Variants in ACTR8 observed in about 807,000 individuals in gnomAD.
ACTR8 encodes the protein actin related protein 8.
A neutral mutation model predicts 84.3 loss-of-function variants in ACTR8; 70 were observed. The observed-to-expected ratio is 0.83, with a 90% CI of 0.68 to 1.01. ACTR8 has a LOEUF of 1.01. Among genes scored for constraint, ACTR8 ranks in the 50% least tolerant of loss-of-function variants. The pLI, the probability that ACTR8 is intolerant of heterozygous loss-of-function variation, is 0.00. For missense variants in ACTR8, 672 were observed against 775.4 expected (o/e 0.87, Z 1.58); for synonymous variants, 268 against 275.2 (o/e 0.97, Z 0.26).
At position 53,871,266 on chromosome 3, in the gene ACTR8, C is replaced by A; in HGVS notation, c.1533G>T (p.Leu511=). ...ISLFEGKALG[L]DKAILHSIDC... ...CTATGCTATGGAGGATGGCTTTATC[C>A]AGGCCCAGGGCTTTTCCTTCAAACA... is the stretch of plus-strand genomic sequence containing the variant. Residue 511 remains leucine (L), a synonymous_variant, in exon 11 of 13, where the codon CTG becomes CTT. Coordinates refer to ENST00000335754, the MANE Select transcript of ACTR8 (RefSeq NM_022899.5). The A allele has an allele frequency of 1.2e-6, 2 of 1,614,218 alleles. No homozygotes were observed. Among genetic ancestry groups the A allele is most frequent in the African/African-American group, 1.3e-5 (1 of 75,076 alleles).
chr3:53,868,600 A>G lies in ACTR8; in HGVS notation c.*119T>C. The G allele has an allele frequency of 7.0e-7, 1 of 1,430,634 alleles. No homozygotes were observed. The highest frequency in any genetic ancestry group is 1.4e-5 in the South Asian group (1 of 69,120). 88.6% of individuals were successfully genotyped at this position (1,430,634 alleles called of 1,614,324 possible). A position where few individuals can be genotyped will look rare whatever the true frequency, so the allele number is the denominator to read the frequency against. ...TGTCCTCAACATAAAGTTCAAATTC[A>G]TTTACTGTCCATGACACTTAAGCAT... On this transcript the variant is annotated 3_prime_UTR_variant, in exon 13 of 13. Coordinates refer to ENST00000335754, the MANE Select transcript of ACTR8 (RefSeq NM_022899.5).
At chr3:53,865,798 T>G (rs928021301), downstream of ACTR8, 1 of 154,112 alleles carries the variant, frequency 6.5e-6, no homozygotes, top group African/African-American at 2.4e-5. Flanking sequence ...GAACCCACTT[T>G]TACTGGACCA....
intron 4 of ACTR8, 123 bp from the exon 5 acceptor site, chr3:53,877,510 G>C: frequency 7.6e-7 from 1 of 1,312,562 alleles, no homozygotes; most frequent in Non-Finnish European, 1.0e-6. Flanking sequence ...TGAAGTAGGA[G>C]TCGGTGTGAC....
chr3:53,866,250 G>A (rs935363412), downstream of ACTR8, among the ~76,000 whole-genome samples: 42 of 152,222 alleles, frequency 2.8e-4, no homozygotes, highest in African/African-American at 9.6e-4. Context: ...TGAGTGTGAT[G>A]GTGTAAGCCT....
Position 53,871,641 on chromosome 3 carries a change from T to G in ACTR8, c.1303-145A>C. Reference sequence around the variant, plus strand: ...CAACTGCCCAGCACCCATTCCCAGGTAACTTAGGAATGAGAGACGGTGCAC... The same window carrying G: ...CAACTGCCCAGCACCCATTCCCAGGGAACTTAGGAATGAGAGACGGTGCAC... On this transcript the variant is annotated intron_variant, in intron 10 of 12. Transcript: ENST00000335754. 3.2e-6 allele frequency: 3 copies of G among 949,356 alleles called. No individual in the cohort carries two copies. The East Asian group carries it at 7.8e-5, about 25-fold the overall frequency. 58.8% of individuals were successfully genotyped at this position (949,356 alleles called of 1,614,324 possible).
Position 53,870,402 on chromosome 3 carries a change from C to T in ACTR8, c.1568-257G>A, listed in dbSNP as rs182589372. 3 of 435,342 alleles carry T rather than the reference C, an allele frequency of 6.9e-6. No homozygotes were observed. In the East Asian group the frequency reaches 1.2e-4, roughly 17 times the overall value. The allele number at this position is 435,342 out of a possible 1,614,324, so 27.0% of individuals were successfully genotyped here. A position where few individuals can be genotyped will look rare whatever the true frequency, so the allele number is the denominator to read the frequency against. ...GCATGGTGGCTCACGCCTGTAATCC[C>T]AGCACTTTGGGAGGCCAAGGCAGGC... On this transcript the variant is annotated intron_variant, in intron 11 of 12. Coordinates refer to ENST00000335754, the MANE Select transcript of ACTR8 (RefSeq NM_022899.5). This position sits in a 1 kb window ranked among gnomAD's most constrained non-coding sequence, Gnocchi z 4.1.
At chr3:53,860,049 A>C in the ACTR8 span, 1 of 945,242 alleles carries the variant, frequency 1.1e-6, no homozygotes, top group Non-Finnish European at 1.7e-6. Flanking sequence ...ACCTCTATAA[A>C]GTATACCAAG....
At position 53,867,362 on chromosome 3, in the gene ACTR8, A is replaced by AT. The variant is rs1178905348; in HGVS notation, c.*1356dup. ...TGTTAACAAATTTAAAAAATAAAAC[A>AT]TACAATTTTCAAATTGAAGGCACAC... is the stretch of plus-strand genomic sequence containing the variant. On this transcript the variant is annotated 3_prime_UTR_variant, in exon 13 of 13. Transcript: ENST00000335754. 2 of 152,220 alleles carry AT rather than the reference A, an allele frequency of 1.3e-5. No homozygotes were observed. Among genetic ancestry groups the AT allele is most frequent in the Non-Finnish European group, 2.9e-5 (2 of 68,038 alleles). 9.4% of individuals were successfully genotyped at this position (152,220 alleles called of 1,614,324 possible). A position where few individuals can be genotyped will look rare whatever the true frequency, so the allele number is the denominator to read the frequency against.
the ACTR8 span, among the ~76,000 whole-genome samples, chr3:53,861,801 G>C: frequency 6.6e-6 from 1 of 152,182 alleles, no homozygotes; most frequent in Non-Finnish European, 1.5e-5. Context: ...AAGGATACCT[G>C]CCTGAACAGG....
chr3:53,872,490 C>A lies in ACTR8; in HGVS notation c.1196G>T (p.Gly399Val), dbSNP rs1699899421. ...AGTCGTCATTTTCTGTCCAACGATT[C>A]CAAAAGTTGCGGGGTAAAACAAAGC... is the stretch of plus-strand genomic sequence containing the variant. ...PMALFYPATF[G>V]IVGQKMTTLQ... is the part of the protein sequence containing the mutation. Residue 399 changes from glycine to valine, a missense_variant, in exon 10 of 13, where the codon GGA (glycine) becomes GTA (valine). Gly to Val is a moderately radical substitution (Grantham distance 109, BLOSUM62 -3). Transcript: ENST00000335754. 6.2e-7 allele frequency: 1 copy of A among 1,609,510 alleles called. No individual in the cohort carries two copies. The highest frequency in any genetic ancestry group is 8.5e-7 in the Non-Finnish European group (1 of 1,178,472).
At chr3:53,871,858 A>C (rs1258942261) in intron 10 of ACTR8, among the ~76,000 whole-genome samples, 2 of 152,162 alleles carry the variant, frequency 1.3e-5, no homozygotes, top group Admixed American at 1.3e-4. Context: ...AGGAATTCTT[A>C]CTTTCAGATC....
At chr3:53,877,832 A>G (rs1700000151) in intron 3 of ACTR8, 81 bp from the exon 4 acceptor site, 46 of 1,139,858 alleles carry the variant, frequency 4.0e-5, no homozygotes, top group Non-Finnish European at 5.8e-5. Flanking sequence ...CTTCTCTCTC[A>G]CATACTAGAC....
chr3:53,864,507 C>A (rs1273545979), downstream of ACTR8, among the ~76,000 whole-genome samples: 1 of 152,026 alleles, frequency 6.6e-6, no homozygotes, highest in African/African-American at 2.4e-5. Flanking sequence ...TGCACTCCAG[C>A]CTGGGCGACA....
chr3:53,880,189 TA>T, intron 1 of ACTR8, 80 bp from the exon 2 acceptor site: 2 of 1,397,768 alleles, frequency 1.4e-6, no homozygotes, highest in Non-Finnish European at 2.0e-6. Flanking sequence ...CATAACAAGC[TA>T]AACTAAGAAG....
chr3:53,865,053 C>T (rs1237594194), downstream of ACTR8: 3 of 1,614,162 alleles, frequency 1.9e-6, no homozygotes, highest in Non-Finnish European at 2.5e-6. Context: ...CCAGTGAGAA[C>T]TCTCAAGACC....
At chr3:53,874,789 G>A (rs1483128190) in intron 7 of ACTR8, among the ~76,000 whole-genome samples, 1 of 151,970 alleles carries the variant, frequency 6.6e-6, no homozygotes, top group Non-Finnish European at 1.5e-5. Flanking sequence ...TATATAGCAA[G>A]TTTCAAGAAA....
At chr3:53,876,159 C>T (rs1177566118) in intron 6 of ACTR8, 79 bp from the exon 7 acceptor site, 6 of 1,546,350 alleles carry the variant, frequency 3.9e-6, no homozygotes, top group East Asian at 2.4e-5. Context: ...TCAGCTGAAG[C>T]GGGGAGCCTA....
At chr3:53,866,142 C>A (rs1699771829), downstream of ACTR8, among the ~76,000 whole-genome samples, 1 of 152,200 alleles carries the variant, frequency 6.6e-6, no homozygotes, top group Non-Finnish European at 1.5e-5. Flanking sequence ...TGCCTCCAAT[C>A]CCAGCACTTT....
At chr3:53,879,325 G>C (rs1700025249) in intron 2 of ACTR8, among the ~76,000 whole-genome samples, 1 of 152,050 alleles carries the variant, frequency 6.6e-6, no homozygotes, top group Admixed American at 6.5e-5. Flanking sequence ...CCTACTATCA[G>C]AATTAAAGAA....
Sources: gnomAD v4.1 joint callset for allele counts (sites outside exome capture counted in the v4.1 genomes callset) on GRCh38, gnomAD v4.1.1 for gene constraint, Gnocchi (gnomAD v3.1) non-coding constraint, MANE v1.5 for transcripts, NCBI Gene and HGNC (gene_info 2026-07-23, HGNC 2026-07-21) for gene names.